The following SNTG1 variants were observed in gnomAD, a reference collection of about 807,000 sequenced individuals.
SNTG1 encodes syntrophin gamma 1, also known as gamma-1-syntrophin.
In SNTG1, 39 loss-of-function variants were observed where a neutral mutation model predicts 74.7. The observed-to-expected ratio is 0.52, with a 90% confidence interval of 0.40 to 0.68. SNTG1 has a LOEUF of 0.68. Among genes scored for constraint, SNTG1 ranks in the 30% least tolerant of loss-of-function variants. The probability of loss-of-function intolerance (pLI) is 0.00; values close to 1 mark genes in which losing one functional copy is unlikely to be tolerated. For synonymous variants in SNTG1, 254 were observed against 217.1 expected (o/e 1.17, Z -1.49); for missense variants, 685 against 609.5 (o/e 1.12, Z -1.30).
intron 13 of SNTG1, among the ~76,000 whole-genome samples, chr8:50,632,416 A>ACC (rs1372158926): frequency 2.0e-5 from 3 of 151,798 alleles, no homozygotes; most frequent in African/African-American, 7.3e-5. Context: ...GTTTAAATGA[A>ACC]CCGTATGTCT....
intron 2 of SNTG1, among the ~76,000 whole-genome samples, chr8:50,188,289 T>A (rs575470884): frequency 8.5e-5 from 13 of 152,108 alleles, no homozygotes; most frequent in Non-Finnish European, 1.3e-4. Flanking sequence ...CTTCAGCTCA[T>A]GAATCATTGT....
At chr8:50,038,669 A>C (rs948767329) in intron 1 of SNTG1, among the ~76,000 whole-genome samples, 6 of 152,218 alleles carry the variant, frequency 3.9e-5, no homozygotes, top group African/African-American at 7.2e-5. Flanking sequence ...TAAGTCATGA[A>C]TAAAAATCCT....
intron 11 of SNTG1, among the ~76,000 whole-genome samples, chr8:50,546,535 C>T (rs907477091): frequency 7.0e-6 from 1 of 143,180 alleles, no homozygotes; most frequent in African/African-American, 2.7e-5. Flanking sequence ...CTCCCCCCTC[C>T]CCCTACCCCA....
chr8:49,912,734 T>C (rs1805688389), intron 1 of SNTG1, among the ~76,000 whole-genome samples: 1 of 152,204 alleles, frequency 6.6e-6, no homozygotes. Context: ...AACCTCCAAG[T>C]ATACCTACAC....
chr8:50,249,992 A>C (rs916864017), intron 2 of SNTG1, among the ~76,000 whole-genome samples: 5 of 152,120 alleles, frequency 3.3e-5, no homozygotes, highest in Admixed American at 2.6e-4. Context: ...GTATTTATAA[A>C]ATGCTTGAAA....
intron 2 of SNTG1, among the ~76,000 whole-genome samples, chr8:50,260,670 G>A (rs932371125): frequency 4.0e-5 from 6 of 150,720 alleles, no homozygotes; most frequent in East Asian, 2.0e-4. Flanking sequence ...TATGACTATC[G>A]TGTTAAGAGC....
At chr8:50,069,317 A>C (rs963486450) in intron 1 of SNTG1, among the ~76,000 whole-genome samples, 1 of 152,166 alleles carries the variant, frequency 6.6e-6, no homozygotes, top group Non-Finnish European at 1.5e-5. Flanking sequence ...ATATCACAAA[A>C]TCCACAAGTG....
intron 8 of SNTG1, among the ~76,000 whole-genome samples, chr8:50,461,864 T>G (rs970555943): frequency 6.6e-6 from 1 of 152,258 alleles, no homozygotes; most frequent in Non-Finnish European, 1.5e-5. Context: ...TATTAGAGAA[T>G]GGTACTAGAA....
At chr8:50,198,278 G>T (rs1211496687) in intron 2 of SNTG1, among the ~76,000 whole-genome samples, 1 of 152,214 alleles carries the variant, frequency 6.6e-6, no homozygotes, top group Non-Finnish European at 1.5e-5. Flanking sequence ...GAAGGTGGCA[G>T]TGGGGAGAAG....
chr8:50,068,497 C>A (rs563190466), intron 1 of SNTG1, among the ~76,000 whole-genome samples: 1 of 152,140 alleles, frequency 6.6e-6, no homozygotes, highest in African/African-American at 2.4e-5. Context: ...GCTGGGCTTG[C>A]GCTGCGGGAG....
chr8:50,663,220 C>T (rs1169736827), intron 15 of SNTG1, among the ~76,000 whole-genome samples: 1 of 152,018 alleles, frequency 6.6e-6, no homozygotes, highest in African/African-American at 2.4e-5. Flanking sequence ...CAGCTGTAGT[C>T]ATCTTGGGTA....
intron 2 of SNTG1, among the ~76,000 whole-genome samples, chr8:50,368,418 G>A (rs1157630737): frequency 6.6e-6 from 1 of 152,162 alleles, no homozygotes; most frequent in Non-Finnish European, 1.5e-5. Context: ...CCCAGGACAA[G>A]GAGATTTAGA....
rs199901255 is a variant in SNTG1, at chr8:50,040,799, A to G, written c.-103+128568A>G. On this transcript the variant is annotated intron_variant, in intron 1 of 18. Transcript: ENST00000642720. ...CTTGGGTATTAGATGGTATTAAATAATAGTTATTAATTTCATTAGGGATTT... is the reference window on the plus strand; with the variant it reads ...CTTGGGTATTAGATGGTATTAAATAGTAGTTATTAATTTCATTAGGGATTT... Among the ~76,000 whole-genome samples, 3 of 152,200 alleles carry G rather than the reference A, an allele frequency of 2.0e-5. No individual in the cohort carries two copies. The East Asian group carries it at 5.8e-4, about 29-fold the overall frequency.
rs139717261 is a variant in SNTG1, at chr8:50,735,449, A to T, written c.1285-16552A>T. On this transcript the variant is annotated intron_variant, in intron 17 of 18. Coordinates refer to ENST00000642720, the MANE Select transcript of SNTG1 (RefSeq NM_018967.5). ...ACAAATGACCTGATGGAGCTGAGAA[A>T]CATAGCACAAGAACTTCGTGAAGCA... Among the ~76,000 whole-genome samples the T allele has an allele frequency of 1.8e-3, 276 of 151,968 alleles. 1 individual carries two copies. The highest frequency in any genetic ancestry group is 6.5e-3 in the African/African-American group (270 of 41,488).
chr8:50,375,330 C>A (rs554043711), intron 2 of SNTG1, among the ~76,000 whole-genome samples: 5 of 151,904 alleles, frequency 3.3e-5, no homozygotes, highest in Non-Finnish European at 1.5e-5. Flanking sequence ...ATGGGACATG[C>A]ACAGGAGGAC....
At chr8:50,391,568 G>C (rs2092661223) in intron 2 of SNTG1, among the ~76,000 whole-genome samples, 1 of 152,106 alleles carries the variant, frequency 6.6e-6, no homozygotes, top group Non-Finnish European at 1.5e-5. Flanking sequence ...TTTGTTATCA[G>C]GATGATGCTG....
intron 1 of SNTG1, among the ~76,000 whole-genome samples, chr8:50,140,667 C>T (rs999570498): frequency 5.3e-5 from 8 of 151,966 alleles, no homozygotes; most frequent in African/African-American, 1.9e-4. Context: ...AATACAAACT[C>T]CCCCTTGGCC....
At chr8:50,567,156 T>G (rs1046199519) in intron 12 of SNTG1, among the ~76,000 whole-genome samples, 1 of 152,060 alleles carries the variant, frequency 6.6e-6, no homozygotes, top group African/African-American at 2.4e-5. Context: ...TTGTGGCATC[T>G]TAAGCAGCTA....
At chr8:50,576,021 T>A (rs888826775) in intron 12 of SNTG1, among the ~76,000 whole-genome samples, 1 of 152,192 alleles carries the variant, frequency 6.6e-6, no homozygotes, top group Admixed American at 6.5e-5. Context: ...AATGGCTTTA[T>A]CCATTTGGAA....
Sources: allele counts gnomAD v4.1 joint callset (sites outside exome capture counted in the v4.1 genomes callset), GRCh38; gene constraint gnomAD v4.1.1; transcripts MANE v1.5; gene names NCBI Gene and HGNC (gene_info 2026-07-23, HGNC 2026-07-21).